The following ITGB8 variants were observed in gnomAD, a reference collection of about 807,000 sequenced individuals.
The protein encoded by ITGB8 is integrin subunit beta 8.
In ITGB8, 30 loss-of-function variants were observed where a neutral mutation model predicts 89.5. The ratio of observed to expected loss-of-function variants is 0.34; its 90% confidence interval spans 0.25 to 0.45. ITGB8 has a LOEUF of 0.45. ITGB8 is among the 20% of genes least tolerant of loss of function. The probability of loss-of-function intolerance (pLI) is 1.00; values close to 1 mark genes in which losing one functional copy is unlikely to be tolerated. For synonymous variants in ITGB8, 335 were observed against 320.4 expected (o/e 1.05, Z -0.49); for missense variants, 836 against 933.3 (o/e 0.90, Z 1.36).
intron 2 of ITGB8, 81 bp from the exon 3 acceptor site, chr7:20,366,931 A>T: frequency 1.1e-6 from 1 of 924,436 alleles, no homozygotes; most frequent in Non-Finnish European, 1.6e-6. Flanking sequence ...AATACCAAAA[A>T]TGCAATATTT....
chr7:20,390,631 ATCTG>A (rs1786816439), intron 6 of ITGB8, among the ~76,000 whole-genome samples: 1 of 152,136 alleles, frequency 6.6e-6, no homozygotes, highest in African/African-American at 2.4e-5. Flanking sequence ...AAGTTGAGAA[ATCTG>A]TAATCTATAC....
chr7:20,341,229 A>C (rs1216741625), intron 1 of ITGB8, among the ~76,000 whole-genome samples: 1 of 152,234 alleles, frequency 6.6e-6, no homozygotes, highest in African/African-American at 2.4e-5. Flanking sequence ...ATTGAAGACA[A>C]GTGGATCATA....
intron 10 of ITGB8, among the ~76,000 whole-genome samples, chr7:20,402,424 G>A (rs1436905184): frequency 6.6e-6 from 1 of 152,162 alleles, no homozygotes; most frequent in East Asian, 1.9e-4. Context: ...AAATGCTGAT[G>A]ATATCTGACA....
At chr7:20,332,450 C>T (rs1784436962) in intron 1 of ITGB8, among the ~76,000 whole-genome samples, 2 of 152,048 alleles carry the variant, frequency 1.3e-5, no homozygotes, top group African/African-American at 4.8e-5. Context: ...GAATTACCCA[C>T]ACTGGAGGGA....
Position 20,331,924 on chromosome 7 carries a change from G to A in ITGB8, c.118G>A (p.Gly40Ser). The change falls in exon 1 of 14, where the codon GGC (glycine) becomes AGC (serine). Residue 40 changes from glycine (G) to serine (S), a missense_variant. Coordinates refer to ENST00000222573, the MANE Select transcript of ITGB8 (RefSeq NM_002214.3). ...GGTGTTTTCACTTGTTCTTGGACTG[G>A]GCCAAGGTGGTAAGTTGTTTTGTTT... Reference protein sequence around the residue: ...AWVFSLVLGLGQGEDNRCASS... With the variant: ...AWVFSLVLGLSQGEDNRCASS... 6.2e-7 allele frequency: 1 copy of A among 1,614,198 alleles called. No individual in the cohort carries two copies. The highest frequency in any genetic ancestry group is 8.5e-7 in the Non-Finnish European group (1 of 1,180,036).
intron 8 of ITGB8, among the ~76,000 whole-genome samples, chr7:20,396,329 A>G (rs1199760059): frequency 6.6e-6 from 1 of 151,876 alleles, no homozygotes; most frequent in Non-Finnish European, 1.5e-5. Flanking sequence ...GCTACTCGGG[A>G]GGCTGAGGCA....
chr7:20,357,008 T>C (rs951515713), intron 1 of ITGB8, among the ~76,000 whole-genome samples: 1 of 152,204 alleles, frequency 6.6e-6, no homozygotes, highest in African/African-American at 2.4e-5. Flanking sequence ...GAATATGTTT[T>C]TTCCTGACTT....
Position 20,381,822 on chromosome 7 carries a change from A to G in ITGB8, c.897A>G (p.Ile299Met). 6.2e-7 allele frequency: 1 copy of G among 1,614,082 alleles called. No homozygotes were observed. Among genetic ancestry groups the G allele is most frequent in the East Asian group, 2.2e-5 (1 of 44,884 alleles). The change falls in exon 6 of 14, where the codon ATA (isoleucine) becomes ATG (methionine). Residue 299 changes from isoleucine (I) to methionine (M), a missense_variant. By Grantham distance (10) the Ile-to-Met change is conservative. Around this residue, in one of 5 missense-constraint regions of ITGB8, gnomAD observed 192 missense variants for 267.1 expected, o/e 0.72. Coordinates refer to ENST00000222573, the MANE Select transcript of ITGB8 (RefSeq NM_002214.3). ...HLALDSKLAG[I>M]VVPNDGNCHL... ...CTCTTGATAGCAAATTGGCAGGCAT[A>G]GTGGTGCCCAATGACGGAAACTGTC...
At chr7:20,405,404 G>C (rs1252353096) in intron 11 of ITGB8, among the ~76,000 whole-genome samples, 2 of 150,192 alleles carry the variant, frequency 1.3e-5, no homozygotes, top group East Asian at 3.9e-4. Flanking sequence ...TCCGCCTCCC[G>C]GGTTCACGCC....
In ITGB8 at chr7:20,363,701, A is replaced by T; in HGVS notation, c.192A>T (p.Glu64Asp). The stretch of plus-strand genomic sequence containing the variant: ...CCAGGTGCCTTGCGCTGGGTCCAGA[A>T]TGTGGATGGTGTGTTCAAGAGGTGT... ...SCARCLALGP[E>D]CGWCVQEDFI... The change falls in exon 2 of 14, where the codon GAA becomes GAT. Residue 64 changes from glutamate to aspartate, a missense_variant. Physicochemically the swap from Glu to Asp is conservative, Grantham distance 45. This residue lies in a region of ITGB8 where 182 missense variants were observed against 177.0 expected (regional missense o/e 1.03). Transcript: ENST00000222573. 6.2e-7 allele frequency: 1 copy of T among 1,603,548 alleles called. No individual in the cohort carries two copies. Among genetic ancestry groups the T allele is most frequent in the Non-Finnish European group, 8.5e-7 (1 of 1,176,922 alleles).
Position 20,368,739 on chromosome 7 carries a change from G to A in ITGB8, c.388+1553G>A, listed in dbSNP as rs148437852. On this transcript the variant is annotated intron_variant, in intron 3 of 13. Transcript: ENST00000222573. ...TTATTTATTTTTGTTATGCTCCTTCGTGCACACTGAATATAAGCTGTATTT... is the reference window on the plus strand; with the variant it reads ...TTATTTATTTTTGTTATGCTCCTTCATGCACACTGAATATAAGCTGTATTT... Among the ~76,000 whole-genome samples, 75 of 151,792 alleles carry A rather than the reference G, an allele frequency of 4.9e-4. 1 individual carries two copies. The highest frequency in any genetic ancestry group is 1.6e-3 in the African/African-American group (66 of 41,328).
intron 1 of ITGB8, among the ~76,000 whole-genome samples, chr7:20,351,839 C>G (rs547641943): frequency 2.5e-4 from 38 of 151,892 alleles, no homozygotes; most frequent in Non-Finnish European, 4.3e-4. Flanking sequence ...TTTTTTTTAA[C>G]CTCCTTAACC....
chr7:20,407,369 A>G (rs1230477097), intron 12 of ITGB8, among the ~76,000 whole-genome samples: 1 of 152,088 alleles, frequency 6.6e-6, no homozygotes, highest in Non-Finnish European at 1.5e-5. Flanking sequence ...CAACAAAAGC[A>G]AAACAAAACA....
intron 3 of ITGB8, among the ~76,000 whole-genome samples, chr7:20,377,072 G>C (rs374654779): frequency 1.3e-5 from 2 of 152,142 alleles, no homozygotes; most frequent in East Asian, 3.9e-4. Context: ...CTAGCATTTG[G>C]TTGGAGGGCC....
chr7:20,370,329 A>T (rs17142738), intron 3 of ITGB8, among the ~76,000 whole-genome samples: 1 of 151,530 alleles, frequency 6.6e-6, no homozygotes, highest in East Asian at 1.9e-4. Context: ...AAACTGTTTA[A>T]GTCTTGAGAT....
chr7:20,401,647 A>C, intron 9 of ITGB8, 74 bp from the exon 10 acceptor site: 1 of 872,414 alleles, frequency 1.1e-6, no homozygotes, highest in Non-Finnish European at 1.7e-6. Flanking sequence ...CAATTCAGTT[A>C]TTAACAGATA....
At chr7:20,397,626 A>AGCAGATCATAT (rs1562696972) in intron 8 of ITGB8, among the ~76,000 whole-genome samples, 2 of 152,206 alleles carry the variant, frequency 1.3e-5, no homozygotes, top group Non-Finnish European at 2.9e-5. Context: ...ACATATGAAC[A>AGCAGATCATAT]TCTTTGTATA....
chr7:20,390,127 G>T (rs778170469), intron 6 of ITGB8, among the ~76,000 whole-genome samples: 1 of 152,092 alleles, frequency 6.6e-6, no homozygotes, highest in Non-Finnish European at 1.5e-5. Context: ...TGTTTACCAA[G>T]TTGGTTTAAC....
chr7:20,401,735 A>G lies in ITGB8; in HGVS notation c.1296A>G (p.Val432=). The part of the protein sequence containing the change: ...VTSNDEVLFN[V]TVTMKKCDVT... ...CCTAAATTTAGGTTCTTTTCAATGT[A>G]ACAGTTACAATGAAAAAATGTGATG... Residue 432 remains valine (V), a synonymous_variant, in exon 10 of 14, where the codon GTA becomes GTG. Coordinates refer to ENST00000222573, the MANE Select transcript of ITGB8 (RefSeq NM_002214.3). The G allele has an allele frequency of 6.4e-7, 1 of 1,558,540 alleles. No homozygotes were observed. Among genetic ancestry groups the G allele is most frequent in the Non-Finnish European group, 8.6e-7 (1 of 1,158,676 alleles).
Sources: allele counts gnomAD v4.1 joint callset (sites outside exome capture counted in the v4.1 genomes callset), GRCh38; gene constraint gnomAD v4.1.1; regional missense constraint gnomAD v4.1.1; transcripts MANE v1.5; gene names NCBI Gene and HGNC (gene_info 2026-07-23, HGNC 2026-07-21).